Variants in ABI1 observed in about 807,000 individuals in gnomAD.
ABI1 encodes the protein Abelson interactor 1.
In ABI1, 14 loss-of-function variants were observed where a neutral mutation model predicts 54.6. That is an observed-to-expected ratio of 0.26 (90% CI 0.17 to 0.40). The LOEUF (loss-of-function observed/expected upper bound fraction) is 0.40. Ranked by LOEUF, ABI1 falls within the 10% of genes least tolerant of loss-of-function variation. ABI1 has a pLI of 1.00. For synonymous variants in ABI1, 194 were observed against 209.3 expected, an observed-to-expected ratio of 0.93 and a Z score of 0.63; for missense variants, 443 against 598.3, an observed-to-expected ratio of 0.74 and a Z score of 2.71.
intron 9 of ABI1, 87 bp downstream of exon 9, chr10:26,755,568 G>T: frequency 1.9e-6 from 2 of 1,035,908 alleles, no homozygotes; most frequent in East Asian, 2.4e-5. Context: ...CTCAATAAAA[G>T]TAAGGAAAAC....
intron 6 of ABI1, among the ~76,000 whole-genome samples, chr10:26,766,154 GA>G (rs1341888264): frequency 6.6e-6 from 1 of 152,190 alleles, no homozygotes; most frequent in Admixed American, 6.5e-5. Flanking sequence ...AAATTTTCTG[GA>G]AAATAAGCAT....
At chr10:26,818,769 A>G (rs550220788) in intron 2 of ABI1, among the ~76,000 whole-genome samples, 1 of 152,018 alleles carries the variant, frequency 6.6e-6, no homozygotes, top group South Asian at 2.1e-4. Flanking sequence ...AGGTGGGTGG[A>G]TCACGAGGTC....
At chr10:26,760,826 G>T (rs1839025941) in intron 7 of ABI1, among the ~76,000 whole-genome samples, 1 of 143,394 alleles carries the variant, frequency 7.0e-6, no homozygotes, top group Non-Finnish European at 1.5e-5. Context: ...GGAGATGGAG[G>T]TTGCGTGAGC....
At position 26,768,846 on chromosome 10, in the gene ABI1, G is replaced by T; in HGVS notation, c.719+6C>A. 1 of 1,610,172 alleles carries T rather than the reference G, an allele frequency of 6.2e-7. No individual in the cohort carries two copies. The highest frequency in any genetic ancestry group is 8.5e-7 in the Non-Finnish European group (1 of 1,178,024). On this transcript the variant is annotated splice_donor_region_variant and intron_variant, in intron 6 of 10. Transcript: ENST00000376140. ...AGATGTTGAGATACTCAACCTAAAG[G>T]CTTACCTGTGTGTCCTTGGTCTCTG...
At chr10:26,850,250 T>C (rs2134212553) in intron 1 of ABI1, among the ~76,000 whole-genome samples, 1 of 152,372 alleles carries the variant, frequency 6.6e-6, no homozygotes, top group Non-Finnish European at 1.5e-5. Context: ...GTTACATTTT[T>C]CATAAAACAT....
intron 9 of ABI1, 116 bp from the exon 10 acceptor site, chr10:26,751,899 G>A: frequency 1.1e-6 from 1 of 884,704 alleles, no homozygotes. Flanking sequence ...AATAAAACAT[G>A]CAATGATTAG....
chr10:26,843,414 A>C (rs1464093213), intron 1 of ABI1, among the ~76,000 whole-genome samples: 1 of 135,882 alleles, frequency 7.4e-6, no homozygotes, highest in East Asian at 2.3e-4. Flanking sequence ...AGATCATGCC[A>C]CCACACTCCA....
At chr10:26,833,244 C>T (rs759612456) in intron 1 of ABI1, among the ~76,000 whole-genome samples, 2 of 152,202 alleles carry the variant, frequency 1.3e-5, no homozygotes, top group Non-Finnish European at 2.9e-5. Context: ...GAGAGCTACA[C>T]AGAACAATCA....
intron 1 of ABI1, among the ~76,000 whole-genome samples, chr10:26,827,705 G>A (rs545096823): frequency 1.3e-5 from 2 of 150,670 alleles, no homozygotes; most frequent in South Asian, 4.2e-4. Context: ...CAATTCTCCT[G>A]CCTCAGCTTC....
chr10:26,789,965 CT>C (rs1412927450), intron 2 of ABI1, among the ~76,000 whole-genome samples: 24 of 152,312 alleles, frequency 1.6e-4, no homozygotes, highest in African/African-American at 5.8e-4. Context: ...TGATCTCATT[CT>C]TTTTTGATGG....
intron 2 of ABI1, among the ~76,000 whole-genome samples, chr10:26,794,459 C>T (rs1248095029): frequency 6.6e-6 from 1 of 151,798 alleles, no homozygotes; most frequent in Non-Finnish European, 1.5e-5. Flanking sequence ...TCAGGAAGTA[C>T]AGTCTAATGA....
At chr10:26,845,032 A>T (rs1333742871) in intron 1 of ABI1, among the ~76,000 whole-genome samples, 1 of 152,132 alleles carries the variant, frequency 6.6e-6, no homozygotes, top group Admixed American at 6.6e-5. Context: ...ACAAGCATAC[A>T]GTTTGAGGGG....
Position 26,764,061 on chromosome 10 carries a change from A to C in ABI1, c.820+1157T>G, listed in dbSNP as rs1403130967. 7 of 822,208 alleles carry C rather than the reference A, an allele frequency of 8.5e-6. No individual in the cohort carries two copies. The South Asian group carries it at 1.3e-4, about 16-fold the overall frequency. The allele number at this position is 822,208 out of a possible 1,614,324, so 50.9% of individuals were successfully genotyped here. The stretch of plus-strand genomic sequence containing the variant: ...AATGTATCGGGAAGAAAAAGAAAAA[A>C]GATACCCCCATGTAAAGCATGCTCA... On this transcript the variant is annotated intron_variant, in intron 7 of 10. Transcript: ENST00000376140.
At position 26,822,844 on chromosome 10, in the gene ABI1, G is replaced by T. The variant is rs566091421; in HGVS notation, c.285+294C>A. On this transcript the variant is annotated intron_variant, in intron 2 of 10. Coordinates refer to ENST00000376140, the MANE Select transcript of ABI1 (RefSeq NM_001012750.3). ...GTTCTTTATGTACAAATAACTTTAC[G>T]TCAGAAAAGCTCTTAACAGTAGGAC... is the stretch of plus-strand genomic sequence containing the variant. Among the ~76,000 whole-genome samples, 58 of 152,192 alleles carry T rather than the reference G, an allele frequency of 3.8e-4. No homozygotes were observed. In the South Asian group the frequency reaches 8.5e-3, roughly 22 times the overall value.
chr10:26,805,358 G>A (rs1037253463), intron 2 of ABI1, among the ~76,000 whole-genome samples: 2 of 151,406 alleles, frequency 1.3e-5, no homozygotes, highest in Admixed American at 6.6e-5. Context: ...AATTTGGAAG[G>A]AGACTCCCAA....
chr10:26,839,324 T>C (rs113835513), intron 1 of ABI1, among the ~76,000 whole-genome samples: 38,732 of 151,468 alleles, frequency 0.26, 5,593 homozygotes, highest in South Asian at 0.44. Flanking sequence ...TGGCAAAACC[T>C]CATCTCTACA....
At chr10:26,794,370 C>G (rs1260560792) in intron 2 of ABI1, among the ~76,000 whole-genome samples, 2 of 151,956 alleles carry the variant, frequency 1.3e-5, no homozygotes, top group African/African-American at 4.8e-5. Flanking sequence ...GATCATGCCA[C>G]TACATTCCAA....
chr10:26,768,953 G>C lies in ABI1; in HGVS notation c.618C>G (p.Pro206=), dbSNP rs968110385. 6.2e-7 allele frequency: 1 copy of C among 1,612,800 alleles called. No individual in the cohort carries two copies. Among genetic ancestry groups the C allele is most frequent in the East Asian group, 2.2e-5 (1 of 44,802 alleles). Residue 206 remains proline (P), a synonymous_variant, in exon 6 of 11, where the codon CCC becomes CCG. Transcript: ENST00000376140. ...TCATATAGTCATTAGGAACTGTTGG[G>C]GGTTTAACAGGTTCCAGGGTTTTAT... ...TPYKTLEPVK[P]PTVPNDYMTS...
chr10:26,843,182 G>A (rs1412514021), intron 1 of ABI1, among the ~76,000 whole-genome samples: 3 of 151,654 alleles, frequency 2.0e-5, no homozygotes, highest in South Asian at 4.2e-4. Flanking sequence ...GTCCAGCATG[G>A]TGGCTTACAC....
Sources: allele counts gnomAD v4.1 joint callset (sites outside exome capture counted in the v4.1 genomes callset), GRCh38; gene constraint gnomAD v4.1.1; transcripts MANE v1.5; gene names NCBI Gene and HGNC (gene_info 2026-07-23, HGNC 2026-07-21).